AHDC1: variants seen among roughly 807,000 people sequenced by gnomAD.
AHDC1 encodes the protein transcription factor Gibbin.
Under a neutral mutation model 87.9 loss-of-function variants are expected in AHDC1, and 7 were observed. The ratio of observed to expected loss-of-function variants is 0.08; its 90% CI spans 0.05 to 0.15. AHDC1 has a LOEUF of 0.15. AHDC1 is among the 10% of genes least tolerant of loss of function. The pLI is 1.00. For synonymous variants in AHDC1, 1,051 were observed against 1,006.8 expected, an observed-to-expected ratio of 1.04 and a Z score of -0.83; for missense variants, 1,841 against 2,253.2, an observed-to-expected ratio of 0.82 and a Z score of 3.70.
At chr1:27,536,936 G>GCGGCTCCTGCCAGAACCATTC (rs2018665784) in intron 8 of AHDC1, among the ~76,000 whole-genome samples, 1 of 151,770 alleles carries the variant, frequency 6.6e-6, no homozygotes, top group African/African-American at 2.4e-5. Flanking sequence ...AGCCCAGCAG[G>GCGGCTCCTGCCAGAACCATTC]CGGCTCCTGC....
At chr1:27,602,043 T>C (rs1455857017) in intron 3 of AHDC1, among the ~76,000 whole-genome samples, 1 of 152,098 alleles carries the variant, frequency 6.6e-6, no homozygotes, top group African/African-American at 2.4e-5. Flanking sequence ...CTCCTTGTGC[T>C]CAGGGACCAG....
At chr1:27,578,249 G>A (rs923055722) in intron 3 of AHDC1, among the ~76,000 whole-genome samples, 10 of 151,990 alleles carry the variant, frequency 6.6e-5, no homozygotes, top group Admixed American at 6.6e-4. Context: ...TTTTTATAAG[G>A]CTTATACATT....
intron 5 of AHDC1, chr1:27,553,513 C>T (rs541069225): frequency 2.0e-5 from 3 of 152,294 alleles, no homozygotes; most frequent in South Asian, 2.1e-4. Flanking sequence ...AGAGCAATCA[C>T]ACCGGGAGTC....
chr1:27,547,573 C>T lies in AHDC1; in HGVS notation c.4543G>A (p.Asp1515Asn), dbSNP rs752303184. ...LASPPATPKA[D>N]KEPLEMARPP... ...CGGGCCATTTCCAGTGGCTCCTTGT[C>T]GGCCTTGGGCGTGGCTGGTGGGCTA... The change falls in exon 8 of 9, where the codon GAC becomes AAC. Residue 1515 changes from aspartate (D) to asparagine (N), a missense_variant. Coordinates refer to ENST00000673934, the MANE Select transcript of AHDC1 (RefSeq NM_001371928.1). This position sits in a 1 kb window ranked among gnomAD's most constrained non-coding sequence, Gnocchi z 4.9. The T allele has an allele frequency of 8.1e-6, 13 of 1,609,294 alleles. No individual in the cohort carries two copies. The highest frequency in any genetic ancestry group is 4.4e-5 in the South Asian group (4 of 90,654).
At position 27,593,519 on chromosome 1, in the gene AHDC1, G is replaced by A. The variant is rs1337239991; in HGVS notation, c.-629+9878C>T. On this transcript the variant is annotated intron_variant, in intron 3 of 8. Coordinates refer to ENST00000673934, the MANE Select transcript of AHDC1 (RefSeq NM_001371928.1). The surrounding 1 kb of genome is among the most constrained non-coding windows in gnomAD (Gnocchi z 4.9). ...TCAGAACCCTAAGACCCAGGCCCTG[G>A]CCCATTCCCTCTGGCCCTTGGTGCT... Among the ~76,000 whole-genome samples, 1 of 152,194 alleles carries A rather than the reference G, an allele frequency of 6.6e-6. No individual in the cohort carries two copies. Among genetic ancestry groups the A allele is most frequent in the African/African-American group, 2.4e-5 (1 of 41,444 alleles).
At position 27,603,446 on chromosome 1, in the gene AHDC1, T is replaced by A. The variant is rs114715611; in HGVS notation, c.-678A>T. 2,411 of 152,870 alleles carry A rather than the reference T, an allele frequency of 0.016. 62 individuals carry two copies. The highest frequency in any genetic ancestry group is 0.055 in the African/African-American group (2,276 of 41,540). 9.5% of individuals were successfully genotyped at this position (152,870 alleles called of 1,614,324 possible). ...TGGGTCCGAGCCAGGCGAGGGGTTT[T>A]GGGGGACGTCTGTCTTCCGGCGGTG... On this transcript the variant is annotated 5_prime_UTR_variant, in exon 3 of 9. Transcript: ENST00000673934.
intron 5 of AHDC1, among the ~76,000 whole-genome samples, chr1:27,555,913 C>T (rs1029194257): frequency 6.6e-6 from 1 of 152,210 alleles, no homozygotes; most frequent in African/African-American, 2.4e-5. Context: ...CTCTCTTTTG[C>T]AGCCTCCAGG....
intron 3 of AHDC1, among the ~76,000 whole-genome samples, chr1:27,559,199 G>A (rs2019957283): frequency 6.6e-6 from 1 of 151,984 alleles, no homozygotes; most frequent in Admixed American, 6.6e-5. Context: ...CTACAGGTAT[G>A]CACCACCATG....
chr1:27,592,580 C>G (rs376817078), intron 3 of AHDC1, among the ~76,000 whole-genome samples: 16 of 152,008 alleles, frequency 1.1e-4, no homozygotes, highest in South Asian at 4.2e-4. Context: ...GCCCTCCCCC[C>G]CCCAGGCCCT....
chr1:27,585,433 G>A (rs1375539113), intron 3 of AHDC1, among the ~76,000 whole-genome samples: 1 of 152,088 alleles, frequency 6.6e-6, no homozygotes, highest in African/African-American at 2.4e-5. Context: ...TAAAAGGGCT[G>A]CAATAATAAT....
intron 3 of AHDC1, among the ~76,000 whole-genome samples, chr1:27,572,132 T>G (rs1571297160): frequency 6.7e-6 from 1 of 148,282 alleles, no homozygotes; most frequent in African/African-American, 2.5e-5. Context: ...TTTTGGGGGG[T>G]GGTCCAGACG....
intron 8 of AHDC1, among the ~76,000 whole-genome samples, chr1:27,537,883 T>A (rs566464640): frequency 6.6e-6 from 1 of 152,158 alleles, no homozygotes; most frequent in African/African-American, 2.4e-5. Context: ...TGAGCAGAGA[T>A]TCAAAGTGCT....
At position 27,534,763 on chromosome 1, in the gene AHDC1, T is replaced by C. The variant is rs1571196200; in HGVS notation, c.*197A>G. ...TGGTTTTGTGCAGAAAGGGCTCACC[T>C]TCGGCTTCTGCGTGGAGGAGATGGG... is the stretch of plus-strand genomic sequence containing the variant. On this transcript the variant is annotated 3_prime_UTR_variant, in exon 9 of 9. Transcript: ENST00000673934. The C allele has an allele frequency of 1.3e-5, 2 of 151,156 alleles. No homozygotes were observed. Among genetic ancestry groups the C allele is most frequent in the South Asian group, 4.2e-4 (2 of 4,722 alleles). The allele number at this position is 151,156 out of a possible 1,614,324, so 9.4% of individuals were successfully genotyped here.
chr1:27,569,950 G>A (rs2020496536), intron 3 of AHDC1, among the ~76,000 whole-genome samples: 1 of 152,022 alleles, frequency 6.6e-6, no homozygotes. Flanking sequence ...GAAGGATCGG[G>A]TTACTCTTTC....
intron 3 of AHDC1, among the ~76,000 whole-genome samples, chr1:27,575,632 C>A (rs892105002): frequency 6.6e-6 from 1 of 151,552 alleles, no homozygotes; most frequent in African/African-American, 2.4e-5. Flanking sequence ...GCTGCCAAGG[C>A]TCCCCGAAGG....
At chr1:27,573,724 C>T (rs558695546) in intron 3 of AHDC1, among the ~76,000 whole-genome samples, 2 of 152,314 alleles carry the variant, frequency 1.3e-5, no homozygotes, top group Non-Finnish European at 2.9e-5. Flanking sequence ...AATGCAAGTT[C>T]CCTCTGTGGT....
intron 8 of AHDC1, among the ~76,000 whole-genome samples, chr1:27,545,768 C>T (rs2019136046): frequency 6.6e-6 from 1 of 151,782 alleles, no homozygotes; most frequent in Admixed American, 6.6e-5. Flanking sequence ...AAGTTTGCTT[C>T]ATTGTCTCTG....
intron 3 of AHDC1, among the ~76,000 whole-genome samples, chr1:27,599,182 G>A (rs1391360846): frequency 7.0e-6 from 1 of 142,978 alleles, no homozygotes; most frequent in East Asian, 1.9e-4. Flanking sequence ...CCCTACCACA[G>A]GGCCAGGGCC....
chr1:27,586,081 G>A (rs1018694505), intron 3 of AHDC1, among the ~76,000 whole-genome samples: 3 of 152,216 alleles, frequency 2.0e-5, no homozygotes, highest in Non-Finnish European at 4.4e-5. Context: ...AGGAGCTGCT[G>A]TTAAAAACTG....
Sources: gnomAD v4.1 joint callset for allele counts (sites outside exome capture counted in the v4.1 genomes callset) on GRCh38, gnomAD v4.1.1 for gene constraint, Gnocchi (gnomAD v3.1) non-coding constraint, MANE v1.5 for transcripts, NCBI Gene and HGNC (gene_info 2026-07-23, HGNC 2026-07-21) for gene names.